NKAIN1: variants seen among roughly 807,000 people sequenced by gnomAD.
The protein encoded by NKAIN1 is sodium/potassium-transporting ATPase subunit beta-1-interacting protein 1.
NKAIN1 carries 13 observed loss-of-function variants against 31.6 expected under a neutral mutation model. That is an observed-to-expected ratio of 0.41 (90% confidence interval 0.27 to 0.65). NKAIN1 has a LOEUF of 0.65. NKAIN1 is among the 30% of genes least tolerant of loss of function. NKAIN1 has a pLI of 0.30. For synonymous variants in NKAIN1, 104 were observed against 109.0 expected, an observed-to-expected ratio of 0.95 and a Z score of 0.28; for missense variants, 193 against 262.2, an observed-to-expected ratio of 0.74 and a Z score of 1.82.
At chr1:31,198,780 G>A (rs930012799) in intron 1 of NKAIN1, among the ~76,000 whole-genome samples, 1 of 139,664 alleles carries the variant, frequency 7.2e-6, no homozygotes, top group Non-Finnish European at 1.5e-5. Context: ...GGATGCCGTT[G>A]CCATAGGAAC....
At chr1:31,188,726 T>C (rs1355078565) in intron 1 of NKAIN1, among the ~76,000 whole-genome samples, 2 of 152,200 alleles carry the variant, frequency 1.3e-5, no homozygotes, top group Admixed American at 6.6e-5. Flanking sequence ...ACTAATGCTG[T>C]GCTTGCCCAT....
rs1043863010 is a variant in NKAIN1 at position 31,181,555 on chromosome 1, G to C, written c.*148C>G. The C allele has an allele frequency of 1.5e-6, 1 of 671,776 alleles. No homozygotes were observed. Among genetic ancestry groups the C allele is most frequent in the African/African-American group, 1.9e-5 (1 of 52,612 alleles). 41.6% of individuals were successfully genotyped at this position (671,776 alleles called of 1,614,324 possible). A position where few individuals can be genotyped will look rare whatever the true frequency, so the allele number is the denominator to read the frequency against. On this transcript the variant is annotated 3_prime_UTR_variant, in exon 7 of 7. Coordinates refer to ENST00000373736, the MANE Select transcript of NKAIN1 (RefSeq NM_024522.3). ...AGTCCAAGTCCAAGTCCACGTCCAA[G>C]TCCGCATCTCCAGATGCAGACGCGG...
chr1:31,187,064 A>G (rs1294902373), intron 2 of NKAIN1, among the ~76,000 whole-genome samples: 1 of 152,112 alleles, frequency 6.6e-6, no homozygotes, highest in African/African-American at 2.4e-5. Context: ...TGAGAACTGG[A>G]GAGAAGTGTT....
At chr1:31,204,506 C>T (rs1645408565) in intron 1 of NKAIN1, among the ~76,000 whole-genome samples, 1 of 152,114 alleles carries the variant, frequency 6.6e-6, no homozygotes, top group African/African-American at 2.4e-5. Context: ...ATGCCGGGAC[C>T]CCGGCAAGCT....
rs1431588301 is a variant in NKAIN1 at position 31,235,315 on chromosome 1, G to GTTAATA, written c.54+4178_54+4179insTATTAA. On this transcript the variant is annotated intron_variant, in intron 1 of 6. Transcript: ENST00000373736. The stretch of plus-strand genomic sequence containing the variant: ...AAGGCACGGGATTAAAAATTAGAGG[G>GTTAATA]TGAATATGTTAATAATGTTGTCAAA... 5.9e-3 allele frequency among the ~76,000 whole-genome samples: 901 copies of GTTAATA among 152,220 alleles called. 69 individuals carry two copies. The East Asian group carries it at 0.15, about 25-fold the overall frequency.
intron 1 of NKAIN1, among the ~76,000 whole-genome samples, chr1:31,215,672 G>A (rs1645506470): frequency 6.6e-6 from 1 of 152,160 alleles, no homozygotes; most frequent in African/African-American, 2.4e-5. Flanking sequence ...TCGTATATGA[G>A]GGATGGGGGT....
intron 1 of NKAIN1, among the ~76,000 whole-genome samples, chr1:31,223,210 C>T (rs900682757): frequency 1.3e-5 from 2 of 151,942 alleles, no homozygotes; most frequent in African/African-American, 4.8e-5. Flanking sequence ...AACCCTGTCT[C>T]TACTAAAATA....
chr1:31,212,158 G>A (rs1200631720), intron 1 of NKAIN1, among the ~76,000 whole-genome samples: 1 of 152,068 alleles, frequency 6.6e-6, no homozygotes, highest in East Asian at 1.9e-4. Context: ...TACATCTATT[G>A]TCAATTGATT....
At chr1:31,206,160 G>A (rs1044762857) in intron 1 of NKAIN1, among the ~76,000 whole-genome samples, 1 of 150,172 alleles carries the variant, frequency 6.7e-6, no homozygotes. Context: ...GCTTGAACCC[G>A]GGATGAGGAG....
intron 4 of NKAIN1, among the ~76,000 whole-genome samples, chr1:31,183,434 C>CT (rs1557648281): frequency 2.1e-5 from 2 of 95,078 alleles, no homozygotes; most frequent in Admixed American, 2.9e-4. Flanking sequence ...GGTTCATTCC[C>CT]TCTTTTTTTT....
intron 1 of NKAIN1, among the ~76,000 whole-genome samples, chr1:31,218,052 C>CTTTCTT (rs1326372713): frequency 7.1e-6 from 1 of 140,968 alleles, no homozygotes; most frequent in Non-Finnish European, 1.5e-5. Context: ...TTCTTTCTTT[C>CTTTCTT]TTTCTTTCTT....
Position 31,181,936 on chromosome 1 carries a change from A to T in NKAIN1, c.538T>A (p.Phe180Ile). The change falls in exon 6 of 7, where the codon TTC becomes ATC. Residue 180 changes from phenylalanine to isoleucine, a missense_variant. Physicochemically the swap from Phe to Ile is conservative, Grantham distance 21 (BLOSUM62 0). Transcript: ENST00000373736. ...VFLEEEDSFD[F>I]IGGFDSYGYQ... The stretch of plus-strand genomic sequence containing the variant: ...CCGTAGGAGTCAAAGCCGCCGATGA[A>T]GTCAACTGCGGAAGAGGGGCGGCGC... The T allele has an allele frequency of 1.2e-6, 2 of 1,607,292 alleles. No homozygotes were observed. The highest frequency in any genetic ancestry group is 1.7e-6 in the Non-Finnish European group (2 of 1,177,520).
At chr1:31,222,395 G>T (rs974444181) in intron 1 of NKAIN1, among the ~76,000 whole-genome samples, 1 of 152,208 alleles carries the variant, frequency 6.6e-6, no homozygotes, top group Non-Finnish European at 1.5e-5. Context: ...CTGTTGCCAG[G>T]GTGACCACCT....
chr1:31,192,638 C>T lies in NKAIN1; in HGVS notation c.55-4451G>A, dbSNP rs184400225. ...TGATATCAGCTCATTGCAAGCTCCA[C>T]TTCCGGGGTTCACGCCATTCTCCTG... On this transcript the variant is annotated intron_variant, in intron 1 of 6. Coordinates refer to ENST00000373736, the MANE Select transcript of NKAIN1 (RefSeq NM_024522.3). Among the ~76,000 whole-genome samples the T allele has an allele frequency of 2.9e-3, 439 of 151,902 alleles. 3 individuals carry two copies. Among genetic ancestry groups the T allele is most frequent in the African/African-American group, 0.01 (420 of 41,430 alleles).
rs184534527 is a variant in NKAIN1, at chr1:31,196,445, G to A, written c.55-8258C>T. Among the ~76,000 whole-genome samples, 792 of 149,054 alleles carry A rather than the reference G, an allele frequency of 5.3e-3. 5 individuals carry two copies. Among genetic ancestry groups the A allele is most frequent in the African/African-American group, 0.018 (742 of 40,816 alleles). On this transcript the variant is annotated intron_variant, in intron 1 of 6. Coordinates refer to ENST00000373736, the MANE Select transcript of NKAIN1 (RefSeq NM_024522.3). Reference sequence around the variant, plus strand: ...GGAGAATGGCTTGAACCCAGGAGGCGGAGCCTGCAGTGAGCTGAGATCGTG... The same window carrying A: ...GGAGAATGGCTTGAACCCAGGAGGCAGAGCCTGCAGTGAGCTGAGATCGTG...
chr1:31,214,805 C>A (rs532703353), intron 1 of NKAIN1, among the ~76,000 whole-genome samples: 1 of 152,146 alleles, frequency 6.6e-6, no homozygotes, highest in Non-Finnish European at 1.5e-5. Flanking sequence ...TAATAGCAGG[C>A]GCTGGAGAGG....
intron 5 of NKAIN1, among the ~76,000 whole-genome samples, chr1:31,182,205 TGGGC>T (rs1186504671): frequency 1.3e-5 from 2 of 151,050 alleles, no homozygotes; most frequent in Non-Finnish European, 3.0e-5. Context: ...CCTTAAGGCT[TGGGC>T]CTGGGAGGCC....
At chr1:31,184,058 AG>A (rs765840444) in intron 3 of NKAIN1, 44 bp from the exon 4 acceptor site, 59 of 1,557,972 alleles carry the variant, frequency 3.8e-5, no homozygotes, top group Non-Finnish European at 4.7e-5. Context: ...AGGGAGAGGG[AG>A]GGGGGAGCTA....
At position 31,196,241 on chromosome 1, in the gene NKAIN1, C is replaced by A. The variant is rs182816658; in HGVS notation, c.55-8054G>T. Among the ~76,000 whole-genome samples the A allele has an allele frequency of 6.1e-3, 926 of 151,052 alleles. 4 individuals are homozygous for A. Among genetic ancestry groups the A allele is most frequent in the African/African-American group, 0.021 (873 of 41,122 alleles). On this transcript the variant is annotated intron_variant, in intron 1 of 6. Coordinates refer to ENST00000373736, the MANE Select transcript of NKAIN1 (RefSeq NM_024522.3). ...TAAAAATACAAAAATTGGCCGGGTG[C>A]GGTGGCTCACGCCTGTAATCCCAGC... is the stretch of plus-strand genomic sequence containing the variant.
Sources: gnomAD v4.1 joint callset for allele counts (sites outside exome capture counted in the v4.1 genomes callset) on GRCh38, gnomAD v4.1.1 for gene constraint, MANE v1.5 for transcripts, NCBI Gene and HGNC (gene_info 2026-07-23, HGNC 2026-07-21) for gene names.